PHRF1: variants seen among roughly 807,000 people sequenced by gnomAD.
PHRF1 encodes PHD and ring finger domains 1.
In PHRF1, 53 loss-of-function variants were observed where a neutral mutation model predicts 128.9. The observed-to-expected ratio is 0.41, with a 90% CI of 0.33 to 0.52. PHRF1 has a LOEUF of 0.52. Ranked by LOEUF, PHRF1 falls within the 20% of genes least tolerant of loss-of-function variation. The pLI is 0.21. For synonymous variants in PHRF1, 1,178 were observed against 980.6 expected (o/e 1.20, Z -3.76); for missense variants, 2,503 against 2,284.5 (o/e 1.10, Z -1.95).
At chr11:593,838 C>T (rs1049182532) in intron 6 of PHRF1, among the ~76,000 whole-genome samples, 23 of 152,218 alleles carry the variant, frequency 1.5e-4, no homozygotes, top group Admixed American at 1.4e-3. Context: ...TTCGCAGACA[C>T]CTCGCCGTCC....
At position 607,947 on chromosome 11, in the gene PHRF1, G is replaced by C; in HGVS notation, c.2491G>C (p.Asp831His). 1 of 1,612,084 alleles carries C rather than the reference G, an allele frequency of 6.2e-7. No individual in the cohort carries two copies. Among genetic ancestry groups the C allele is most frequent in the Non-Finnish European group, 8.5e-7 (1 of 1,179,844 alleles). ...KTKQLRSEVY[D>H]PSDPTGSDSS... ...GAAGCAGCTGCGGAGCGAGGTCTAC[G>C]ACCCATCCGACCCCACCGGCTCCGA... Residue 831 changes from aspartate to histidine, a missense_variant, in exon 14 of 18, where the codon GAC becomes CAC. By Grantham distance (81) the Asp-to-His change is moderately conservative. Transcript: ENST00000264555.
At chr11:582,269 T>C (rs1854252843) in intron 3 of PHRF1, among the ~76,000 whole-genome samples, 188 bp downstream of exon 3, 2 of 150,532 alleles carry the variant, frequency 1.3e-5, no homozygotes, top group South Asian at 4.2e-4. Flanking sequence ...CATTTCTTTT[T>C]TTTTTTTTTT....
Position 607,886 on chromosome 11 carries a change from G to C in PHRF1, c.2430G>C (p.Lys810Asn). 1 of 1,612,756 alleles carries C rather than the reference G, an allele frequency of 6.2e-7. No homozygotes were observed. Among genetic ancestry groups the C allele is most frequent in the Non-Finnish European group, 8.5e-7 (1 of 1,179,888 alleles). ...CTGTGGACGATAAGGAGCAGAGGAA[G>C]GAGAACCCCTCACCCCTCTTCTCCA... ...FRPVDDKEQRKENPSPLFSIK... is the reference protein window; with the variant it reads ...FRPVDDKEQRNENPSPLFSIK... The change falls in exon 14 of 18, where the codon AAG (lysine) becomes AAC (asparagine). Residue 810 changes from lysine (K) to asparagine (N), a missense_variant. Transcript: ENST00000264555.
intron 10 of PHRF1, among the ~76,000 whole-genome samples, chr11:602,607 G>T (rs1022724708): frequency 4.6e-5 from 7 of 151,910 alleles, no homozygotes; most frequent in African/African-American, 1.7e-4. Context: ...TTGAACCCTG[G>T]GAGGCAGAGG....
chr11:602,083 G>A (rs985670942), intron 10 of PHRF1, among the ~76,000 whole-genome samples: 3 of 152,162 alleles, frequency 2.0e-5, no homozygotes, highest in Non-Finnish European at 2.9e-5. Context: ...GGCCAGCCTG[G>A]CTCTGAGGAG....
At position 610,204 on chromosome 11, in the gene PHRF1, C is replaced by G. The variant is rs1315721427; in HGVS notation, c.4273C>G (p.Leu1425Val). Residue 1425 changes from leucine to valine, a missense_variant, in exon 15 of 18, where the codon CTT (leucine) becomes GTT (valine). Coordinates refer to ENST00000264555, the MANE Select transcript of PHRF1 (RefSeq NM_001286581.2). ...PAEDRAPRAP[L>V]HRPQKPREGA... ...GTCTGTCGGGCCCCCAGGGGCACCA[C>G]TTCACAGGCCACAGAAGCCCCGAGA... The G allele has an allele frequency of 6.6e-7, 1 of 1,526,520 alleles. No homozygotes were observed. Among genetic ancestry groups the G allele is most frequent in the Non-Finnish European group, 8.8e-7 (1 of 1,132,490 alleles). The allele number at this position is 1,526,520 out of a possible 1,614,324, so 94.6% of individuals were successfully genotyped here.
intron 6 of PHRF1, among the ~76,000 whole-genome samples, chr11:594,208 C>T (rs1230788064): frequency 6.6e-6 from 1 of 152,190 alleles, no homozygotes; most frequent in Non-Finnish European, 1.5e-5. Context: ...CCACTCTGGG[C>T]ATGTGAAGGA....
At chr11:579,759 A>G (rs1420348430) in intron 1 of PHRF1, among the ~76,000 whole-genome samples, 2 of 152,254 alleles carry the variant, frequency 1.3e-5, no homozygotes, top group Non-Finnish European at 2.9e-5. Context: ...TACTTCTACA[A>G]TCGCTGTTTC....
Position 607,271 on chromosome 11 carries a change from A to T in PHRF1, c.1815A>T (p.Pro605=), listed in dbSNP as rs1482552798. The T allele has an allele frequency of 6.2e-7, 1 of 1,612,650 alleles. No homozygotes were observed. Among genetic ancestry groups the T allele is most frequent in the East Asian group, 2.2e-5 (1 of 44,878 alleles). The change falls in exon 14 of 18, where the codon CCA becomes CCT. Residue 605 remains proline (P), a synonymous_variant. Transcript: ENST00000264555. Reference sequence around the variant, plus strand: ...GGGCGCCTGTGAGGCTGGACTTGCCAGCAGCCCCTGGGGCGGTTCAGGCTC... The same window carrying T: ...GGGCGCCTGTGAGGCTGGACTTGCCTGCAGCCCCTGGGGCGGTTCAGGCTC... ...TAGAPVRLDL[P]AAPGAVQARN...
intron 6 of PHRF1, among the ~76,000 whole-genome samples, chr11:594,721 C>A (rs1228806724): frequency 6.6e-6 from 1 of 152,202 alleles, no homozygotes; most frequent in Non-Finnish European, 1.5e-5. Flanking sequence ...CTCGGCCTCC[C>A]AAAGTGCTGA....
chr11:595,218 GA>G (rs1356743177), intron 6 of PHRF1, among the ~76,000 whole-genome samples: 1 of 152,208 alleles, frequency 6.6e-6, no homozygotes, highest in Non-Finnish European at 1.5e-5. Context: ...CGATCCTTGG[GA>G]GGCTGAGGCA....
Position 585,641 on chromosome 11 carries a change from TAGTAGCCC to T in PHRF1, c.215-1617_215-1610del, listed in dbSNP as rs1254477536. On this transcript the variant is annotated intron_variant, in intron 3 of 17. Coordinates refer to ENST00000264555, the MANE Select transcript of PHRF1 (RefSeq NM_001286581.2). Reference sequence around the variant, plus strand: ...GGTAGTAGCCCTTTCCAGCTTGAGGTAGTAGCCCTTTCCAGCTTGAGGTAGTAGCTCTT... The same window carrying T: ...GGTAGTAGCCCTTTCCAGCTTGAGGTTTTCCAGCTTGAGGTAGTAGCTCTT... Among the ~76,000 whole-genome samples the T allele has an allele frequency of 5.9e-4, 58 of 99,124 alleles. 16 individuals are homozygous for T. Among genetic ancestry groups the T allele is most frequent in the Admixed American group, 1.2e-3 (11 of 9,006 alleles). 65.0% of individuals were successfully genotyped at this position (99,124 alleles called of 152,430 possible). A position where few individuals can be genotyped will look rare whatever the true frequency, so the allele number is the denominator to read the frequency against.
chr11:601,773 T>G, intron 10 of PHRF1, 72 bp downstream of exon 10: 7 of 1,586,662 alleles, frequency 4.4e-6, no homozygotes, highest in Non-Finnish European at 6.0e-6. Context: ...GAGCAGGGCC[T>G]AAGCCTCCCG....
At position 585,680 on chromosome 11, in the gene PHRF1, C is replaced by CTTTTTTTTTTTTTTT. The variant is rs1212904400; in HGVS notation, c.215-1575_215-1561dup. ...AGCTTGAGGTAGTAGCTCTTCAACT[C>CTTTTTTTTTTTTTTT]TTTTTTTTTTTTTTTTTTGAGGTCG... On this transcript the variant is annotated intron_variant, in intron 3 of 17. Coordinates refer to ENST00000264555, the MANE Select transcript of PHRF1 (RefSeq NM_001286581.2). Among the ~76,000 whole-genome samples the CTTTTTTTTTTTTTTT allele has an allele frequency of 2.8e-5, 2 of 70,372 alleles. 1 individual carries two copies. Among genetic ancestry groups the CTTTTTTTTTTTTTTT allele is most frequent in the Non-Finnish European group, 5.9e-5 (2 of 34,172 alleles). 46.2% of individuals were successfully genotyped at this position (70,372 alleles called of 152,430 possible). A position where few individuals can be genotyped will look rare whatever the true frequency, so the allele number is the denominator to read the frequency against.
chr11:589,249 G>A (rs774911253), intron 4 of PHRF1, among the ~76,000 whole-genome samples: 17 of 152,184 alleles, frequency 1.1e-4, no homozygotes, highest in Non-Finnish European at 2.4e-4. Context: ...GTCATAAGGA[G>A]ACGTGTAAGA....
At chr11:593,683 C>G (rs1855116438) in intron 6 of PHRF1, among the ~76,000 whole-genome samples, 2 of 152,230 alleles carry the variant, frequency 1.3e-5, no homozygotes, top group Non-Finnish European at 2.9e-5. Context: ...ACGTTTGTCT[C>G]ATCGTCAGTT....
At position 597,187 on chromosome 11, in the gene PHRF1, C is replaced by T. The variant is rs1025883629; in HGVS notation, c.718+167C>T. On this transcript the variant is annotated intron_variant, in intron 7 of 17. Coordinates refer to ENST00000264555, the MANE Select transcript of PHRF1 (RefSeq NM_001286581.2). This position sits in a 1 kb window ranked among gnomAD's most constrained non-coding sequence, Gnocchi z 6.5. Reference sequence around the variant, plus strand: ...AGGACATCTAGGGCTGTCTCGGGCTCGTCTTCTCGGGGATGTGTGTGGGGT... The same window carrying T: ...AGGACATCTAGGGCTGTCTCGGGCTTGTCTTCTCGGGGATGTGTGTGGGGT... Among the ~76,000 whole-genome samples, 2 of 151,812 alleles carry T rather than the reference C, an allele frequency of 1.3e-5. No homozygotes were observed. The highest frequency in any genetic ancestry group is 2.9e-5 in the Non-Finnish European group (2 of 67,918).
intron 3 of PHRF1, among the ~76,000 whole-genome samples, chr11:584,439 C>T (rs1329226065): frequency 6.6e-6 from 1 of 152,182 alleles, no homozygotes; most frequent in Non-Finnish European, 1.5e-5. Flanking sequence ...CGCCAAGCAG[C>T]AGCTGGGGGA....
chr11:605,463 CAG>C (rs1564860562), intron 11 of PHRF1, 140 bp from the exon 12 acceptor site: 3 of 1,477,630 alleles, frequency 2.0e-6, no homozygotes, highest in South Asian at 1.3e-5. Flanking sequence ...GCGTGGAACT[CAG>C]AGGTCTGGTT....
Sources: gnomAD v4.1 joint callset for allele counts (sites outside exome capture counted in the v4.1 genomes callset) on GRCh38, gnomAD v4.1.1 for gene constraint, Gnocchi (gnomAD v3.1) non-coding constraint, MANE v1.5 for transcripts, NCBI Gene and HGNC (gene_info 2026-07-23, HGNC 2026-07-21) for gene names.